Variants in SLC22A31 observed in about 807,000 individuals in gnomAD.
SLC22A31 encodes putative solute carrier family 22 member 31.
In SLC22A31, 42 loss-of-function variants were observed where a neutral mutation model predicts 27.4. The observed-to-expected ratio is 1.53, with a 90% CI of 1.20 to 1.98. The LOEUF is 1.98. Among genes scored for constraint, SLC22A31 ranks in the 30% most tolerant of loss-of-function variants. The pLI, the probability that SLC22A31 is intolerant of heterozygous loss-of-function variation, is 0.00. For synonymous variants in SLC22A31, 290 were observed against 230.8 expected (o/e 1.26, Z -2.33); for missense variants, 593 against 479.9 (o/e 1.24, Z -2.20).
rs1212094120 is a variant in SLC22A31, at chr16:89,199,199, G to T, written c.284-8C>A. 2.0e-6 allele frequency: 3 copies of T among 1,520,024 alleles called. No homozygotes were observed. In the Admixed American group the frequency reaches 6.3e-5, roughly 32 times the overall value. The allele number at this position is 1,520,024 out of a possible 1,614,324, so 94.2% of individuals were successfully genotyped here. ...GGTCACACAACTCCAGGCCTGGGCA[G>T]ACACAGACAGGTTGAAGTGGAGGCC... On this transcript the variant is annotated splice_region_variant and splice_polypyrimidine_tract_variant and intron_variant, in intron 3 of 8. Transcript: ENST00000682282.
At chr16:89,199,299 A>T (rs1916317664) in intron 3 of SLC22A31, 108 bp from the exon 4 acceptor site, 1 of 1,132,682 alleles carries the variant, frequency 8.8e-7, no homozygotes. Flanking sequence ...GGGATGCCCA[A>T]GGGACTCACT....
rs907942657 is a variant in SLC22A31, at chr16:89,196,226, G to C, written c.1114C>G (p.Gln372Glu). Residue 372 changes from glutamine to glutamate, a missense_variant, in exon 9 of 9, where the codon CAG (glutamine) becomes GAG (glutamate). By Grantham distance (29) the Gln-to-Glu change is conservative (BLOSUM62 2). Coordinates refer to ENST00000682282, the MANE Select transcript of SLC22A31 (RefSeq NM_001384763.1). Reference protein sequence around the residue: ...AGPLDTLHGRQGFFLQQVVFA... With the variant: ...AGPLDTLHGREGFFLQQVVFA... ...ACGACTTGTTGCAGGAAGAAGCCCT[G>C]CCGGCCGTGCAGGGTGTCCAGGGGG... 5.2e-6 allele frequency: 8 copies of C among 1,534,642 alleles called. No individual in the cohort carries two copies. The East Asian group carries it at 2.0e-4, about 38-fold the overall frequency.
At chr16:89,198,900 T>A (rs1916264119) in intron 4 of SLC22A31, 103 bp from the exon 5 acceptor site, 2 of 1,485,514 alleles carry the variant, frequency 1.3e-6, no homozygotes, top group Admixed American at 4.2e-5. Context: ...GGGCAGGACA[T>A]CACTGTAGTT....
rs1916374331 is a variant in SLC22A31, at chr16:89,199,798, C to T, written c.43G>A (p.Asp15Asn). ...TGCTCCAGCGGGACCTTCCAGCCGT[C>T]TCCACACACAAGGTTCCACTATGGG... is the stretch of plus-strand genomic sequence containing the variant. ...LSQNWNLVCG[D>N]GWKVPLEQVS... The change falls in exon 2 of 9, where the codon GAC (aspartate) becomes AAC (asparagine). Residue 15 changes from aspartate (D) to asparagine (N), a missense_variant. Coordinates refer to ENST00000682282, the MANE Select transcript of SLC22A31 (RefSeq NM_001384763.1). The T allele has an allele frequency of 2.5e-6, 1 of 403,410 alleles. No individual in the cohort carries two copies. Among genetic ancestry groups the T allele is most frequent in the African/African-American group, 2.1e-5 (1 of 48,722 alleles). The allele number at this position is 403,410 out of a possible 1,614,324, so 25.0% of individuals were successfully genotyped here.
chr16:89,198,794 G>T lies in SLC22A31; in HGVS notation c.456C>A (p.Phe152Leu), dbSNP rs561469047. ...MSGLLLLFWGFPALFPESPCW... is the reference protein window; with the variant it reads ...MSGLLLLFWGLPALFPESPCW... The stretch of plus-strand genomic sequence containing the variant: ...AGGGAGACTCGGGGAACAGGGCCGG[G>T]AACCTGCAGCGTTGGTGAGGATGCC... Residue 152 changes from phenylalanine to leucine, a missense_variant, in exon 5 of 9, where the codon TTC becomes TTA. By Grantham distance (22) the Phe-to-Leu change is conservative. Transcript: ENST00000682282. 3.0e-4 allele frequency: 463 copies of T among 1,529,572 alleles called. No individual in the cohort carries two copies. In the Middle Eastern group the frequency reaches 4.0e-3, roughly 13 times the overall value. The allele number at this position is 1,529,572 out of a possible 1,614,324, so 94.8% of individuals were successfully genotyped here.
rs1385469067 is a variant in SLC22A31, at chr16:89,198,887, C to T, written c.453-90G>A. On this transcript the variant is annotated intron_variant, in intron 4 of 8. Coordinates refer to ENST00000682282, the MANE Select transcript of SLC22A31 (RefSeq NM_001384763.1). ...AGGGCCCCCACCCCACCCCCAGGCTCAGGGGCAGGACATCACTGTAGTTCT... is the reference window on the plus strand; with the variant it reads ...AGGGCCCCCACCCCACCCCCAGGCTTAGGGGCAGGACATCACTGTAGTTCT... 1.6e-5 allele frequency: 24 copies of T among 1,489,938 alleles called. No individual in the cohort carries two copies. The East Asian group carries it at 5.7e-4, about 35-fold the overall frequency. 92.3% of individuals were successfully genotyped at this position (1,489,938 alleles called of 1,614,324 possible).
intron 1 of SLC22A31, chr16:89,200,097 T>G: frequency 1.6e-5 from 5 of 310,182 alleles, no homozygotes; most frequent in East Asian, 1.0e-4. Flanking sequence ...CCGCACACCA[T>G]TGCTCTTCCC....
chr16:89,197,237 C>T (rs1023258994), intron 8 of SLC22A31, 61 bp downstream of exon 8: 52 of 1,333,748 alleles, frequency 3.9e-5, no homozygotes, highest in Admixed American at 4.2e-5. Flanking sequence ...GTCCACCTGG[C>T]CCCTCCTCCC....
chr16:89,198,538 A>G lies in SLC22A31; in HGVS notation c.611T>C (p.Leu204Pro). 2.7e-6 allele frequency: 4 copies of G among 1,508,300 alleles called. No individual in the cohort carries two copies. In the South Asian group the frequency reaches 5.0e-5, roughly 19 times the overall value. 93.4% of individuals were successfully genotyped at this position (1,508,300 alleles called of 1,614,324 possible). Reference protein sequence around the residue: ...ENSLATELTMLSARSPQPRYH... With the variant: ...ENSLATELTMPSARSPQPRYH... ...CCGGGGCTGGGGGCTCCGTGCAGACAGCATGGTCAGCTCTGTAGCCGCAGA... is the reference window on the plus strand; with the variant it reads ...CCGGGGCTGGGGGCTCCGTGCAGACGGCATGGTCAGCTCTGTAGCCGCAGA... Residue 204 changes from leucine to proline, a missense_variant, in exon 6 of 9, where the codon CTG (leucine) becomes CCG (proline). Leu to Pro is a moderately conservative substitution (Grantham distance 98). Transcript: ENST00000682282.
chr16:89,201,441 G>A (rs1916608447), upstream of SLC22A31: 1 of 387,202 alleles, frequency 2.6e-6, no homozygotes, highest in Non-Finnish European at 4.6e-6. Flanking sequence ...CCCCAGGCGC[G>A]GGATGGCGGC....
At chr16:89,199,937 G>A in intron 1 of SLC22A31, 121 bp from the exon 2 acceptor site, 1 of 399,630 alleles carries the variant, frequency 2.5e-6, no homozygotes, top group Non-Finnish European at 4.4e-6. Flanking sequence ...CCTCCGTGGA[G>A]AGAAGGGGAA....
intron 5 of SLC22A31, 26 bp from the exon 6 acceptor site, chr16:89,198,576 G>T: frequency 6.6e-7 from 1 of 1,512,730 alleles, no homozygotes; most frequent in Non-Finnish European, 8.8e-7. Flanking sequence ...TGTGAGGGGA[G>T]GGGGGTGAGG....
At chr16:89,197,451 C>A (rs773857137) in intron 7 of SLC22A31, 42 bp from the exon 8 acceptor site, 6 of 1,424,800 alleles carry the variant, frequency 4.2e-6, no homozygotes, top group South Asian at 1.2e-5. Flanking sequence ...TCTCCCCAGG[C>A]CTTCCACCCT....
In SLC22A31 at chr16:89,198,696, ACGC is replaced by A; in HGVS notation, c.551_553del (p.Gly184del). 6.5e-7 allele frequency: 1 copy of A among 1,535,762 alleles called. No individual in the cohort carries two copies. The highest frequency in any genetic ancestry group is 8.7e-7 in the Non-Finnish European group (1 of 1,146,796). ...CTCCAAGGAACTGTCCCCGGGGCCC[ACGC>A]CACTGGCTTCTGCAAAGCGCCACAG... On this transcript the variant is annotated inframe_deletion, in exon 5 of 9. Coordinates refer to ENST00000682282, the MANE Select transcript of SLC22A31 (RefSeq NM_001384763.1).
At chr16:89,201,237 C>A (rs940622868), upstream of SLC22A31, 134 of 366,318 alleles carry the variant, frequency 3.7e-4, no homozygotes, top group Non-Finnish European at 5.5e-4. Flanking sequence ...GGGAGGGCTG[C>A]GGGGCAGCAG....
At chr16:89,201,203 C>G (rs1447631010), upstream of SLC22A31, 4 of 376,572 alleles carry the variant, frequency 1.1e-5, no homozygotes, top group Non-Finnish European at 1.9e-5. Flanking sequence ...AAAGGACACC[C>G]AGGGCCTCGG....
Position 89,195,884 on chromosome 16 carries a change from A to C in SLC22A31, c.*115T>G, listed in dbSNP as rs1597316235. The C allele has an allele frequency of 2.4e-6, 3 of 1,244,560 alleles. No individual in the cohort carries two copies. The East Asian group carries it at 8.0e-5, about 33-fold the overall frequency. 77.1% of individuals were successfully genotyped at this position (1,244,560 alleles called of 1,614,324 possible). A position where few individuals can be genotyped will look rare whatever the true frequency, so the allele number is the denominator to read the frequency against. On this transcript the variant is annotated 3_prime_UTR_variant, in exon 9 of 9. Transcript: ENST00000682282. ...TGTCCCCACGGCTCCACCTGCACTG[A>C]GACACGGGCTTCTGAGAGGAATGTG...
intron 7 of SLC22A31, 122 bp from the exon 8 acceptor site, chr16:89,197,531 C>T (rs547519370): frequency 3.0e-6 from 2 of 669,698 alleles, no homozygotes; most frequent in South Asian, 1.9e-5. Flanking sequence ...CCTCCTTTTC[C>T]AGCCCCCCTG....
upstream of SLC22A31, among the ~76,000 whole-genome samples, chr16:89,200,889 C>G (rs946232593): frequency 2.6e-5 from 4 of 152,246 alleles, no homozygotes; most frequent in African/African-American, 9.6e-5. Context: ...TCAGTCCCTC[C>G]AAGCAGAGAC....
Sources: allele counts gnomAD v4.1 joint callset (sites outside exome capture counted in the v4.1 genomes callset), GRCh38; gene constraint gnomAD v4.1.1; transcripts MANE v1.5; gene names NCBI Gene and HGNC (gene_info 2026-07-23, HGNC 2026-07-21).